Variants in RNF123 observed in about 807,000 individuals in gnomAD.
RNF123 encodes the protein E3 ubiquitin-protein ligase RNF123.
Under a neutral mutation model 168.5 loss-of-function variants are expected in RNF123, and 86 were observed. The observed-to-expected ratio is 0.51, with a 90% confidence interval of 0.43 to 0.61. The LOEUF is 0.61. Ranked by LOEUF, RNF123 falls within the 20% of genes least tolerant of loss-of-function variation. The probability of loss-of-function intolerance (pLI) is 0.00; values close to 1 mark genes in which losing one functional copy is unlikely to be tolerated. For synonymous variants in RNF123, 666 were observed against 689.1 expected, an observed-to-expected ratio of 0.97 and a Z score of 0.52; for missense variants, 1,419 against 1,729.7, an observed-to-expected ratio of 0.82 and a Z score of 3.19.
intron 3 of RNF123, among the ~76,000 whole-genome samples, chr3:49,692,364 G>A (rs185394915): frequency 5.3e-5 from 8 of 152,302 alleles, no homozygotes; most frequent in Non-Finnish European, 8.8e-5. Context: ...TTGTGGGTAT[G>A]TAGTAGGTAT....
At chr3:49,706,482 G>A (rs2108190728) in intron 25 of RNF123, among the ~76,000 whole-genome samples, 1 of 152,252 alleles carries the variant, frequency 6.6e-6, no homozygotes, top group South Asian at 2.1e-4. Flanking sequence ...CGACCTGTCA[G>A]CAGATCCCTG....
chr3:49,699,852 A>C lies in RNF123; in HGVS notation c.984+80A>C, dbSNP rs1245214115. The C allele has an allele frequency of 2.1e-6, 3 of 1,414,472 alleles. No individual in the cohort carries two copies. The Admixed American group carries it at 5.2e-5, about 25-fold the overall frequency. The allele number at this position is 1,414,472 out of a possible 1,614,324, so 87.6% of individuals were successfully genotyped here. A position where few individuals can be genotyped will look rare whatever the true frequency, so the allele number is the denominator to read the frequency against. ...GCCCGTGGTAGATGTGCCCTCACTGAGGGCTGCAGTGCTGAGGTCCCACAG... is the reference window on the plus strand; with the variant it reads ...GCCCGTGGTAGATGTGCCCTCACTGCGGGCTGCAGTGCTGAGGTCCCACAG... On this transcript the variant is annotated intron_variant, in intron 12 of 38. Transcript: ENST00000327697. The surrounding 1 kb of genome is among the most constrained non-coding windows in gnomAD (Gnocchi z 4.8).
chr3:49,711,732 C>A (rs1218500485), intron 26 of RNF123, among the ~76,000 whole-genome samples: 4 of 152,102 alleles, frequency 2.6e-5, no homozygotes, highest in African/African-American at 9.7e-5. Context: ...CTTTGTGAGA[C>A]CCTGACATAG....
rs773145838 is a variant in RNF123 at position 49,700,700 on chromosome 3, G to C, written c.1268G>C (p.Ser423Thr). ...RHEKSRKFLL[S>T]NVLFDVLRSV... ...GAGAAGTCCCGCAAGTTTCTGCTTAGCAATGTCCTGTATCCTTTCCTTGCT... is the reference window on the plus strand; with the variant it reads ...GAGAAGTCCCGCAAGTTTCTGCTTACCAATGTCCTGTATCCTTTCCTTGCT... The change falls in exon 15 of 39, where the codon AGC becomes ACC. Residue 423 changes from serine to threonine, a missense_variant. Coordinates refer to ENST00000327697, the MANE Select transcript of RNF123 (RefSeq NM_022064.5). 1 of 1,614,192 alleles carries C rather than the reference G, an allele frequency of 6.2e-7. No individual in the cohort carries two copies. Among genetic ancestry groups the C allele is most frequent in the Non-Finnish European group, 8.5e-7 (1 of 1,180,042 alleles).
intron 4 of RNF123, 38 bp downstream of exon 4, chr3:49,697,260 G>C (rs762917105): frequency 1.2e-6 from 2 of 1,605,564 alleles, no homozygotes; most frequent in Non-Finnish European, 1.7e-6. Flanking sequence ...GGGAGGTGCA[G>C]AGCTGGGACG....
At chr3:49,720,373 T>G (rs2080373073) in intron 35 of RNF123, 138 bp from the exon 36 acceptor site, 9 of 821,962 alleles carry the variant, frequency 1.1e-5, no homozygotes, top group African/African-American at 3.5e-5. Context: ...GGACTTGGGG[T>G]TTGGGAAGCA....
intron 12 of RNF123, 148 bp from the exon 13 acceptor site, chr3:49,700,079 G>A (rs1309841677): frequency 1.7e-6 from 2 of 1,163,468 alleles, no homozygotes; most frequent in East Asian, 5.1e-5. Context: ...CCCTCAGTCA[G>A]ACCCCGGAAG....
chr3:49,698,590 C>G, intron 8 of RNF123, 64 bp downstream of exon 8: 1 of 1,585,424 alleles, frequency 6.3e-7, no homozygotes. Context: ...TTTGGAGCCA[C>G]TGGGCAGCCA....
rs192049545 is a variant in RNF123, at chr3:49,721,387, C to T, written c.*82C>T. 524 of 1,571,318 alleles carry T rather than the reference C, an allele frequency of 3.3e-4. 3 individuals carry two copies. In the African/African-American group the frequency reaches 6.3e-3, roughly 19 times the overall value. ...GCCCTATTTATGAGCTCCCTTTGCC[C>T]TTCTCCTGTATCCCACACCACCACA... On this transcript the variant is annotated 3_prime_UTR_variant, in exon 39 of 39. Coordinates refer to ENST00000327697, the MANE Select transcript of RNF123 (RefSeq NM_022064.5).
rs186365107 is a variant in RNF123 at position 49,707,674 on chromosome 3, C to T, written c.2496+776C>T. Among the ~76,000 whole-genome samples the T allele has an allele frequency of 6.7e-3, 1,016 of 152,180 alleles. 33 individuals are homozygous for T. The highest frequency in any genetic ancestry group is 0.06 in the Admixed American group (920 of 15,274). ...ACTGGGTGATCGAGGCCTTTGGTAT[C>T]CCCATTTCTATCATCTCTGCTTGCT... On this transcript the variant is annotated intron_variant, in intron 26 of 38. Coordinates refer to ENST00000327697, the MANE Select transcript of RNF123 (RefSeq NM_022064.5).
At chr3:49,696,829 T>C (rs555715851) in intron 3 of RNF123, among the ~76,000 whole-genome samples, 341 of 149,672 alleles carry the variant, frequency 2.3e-3, no homozygotes, top group Non-Finnish European at 3.9e-3. Context: ...GTATTTTTAG[T>C]AGGGATGGGG....
intron 35 of RNF123, chr3:49,717,206 C>A (rs1308095946): frequency 1.3e-5 from 2 of 153,330 alleles, no homozygotes; most frequent in African/African-American, 2.4e-5. Context: ...GCCTTCAGAA[C>A]AACGGGTGGA....
At chr3:49,705,499 C>T (rs1011739799) in intron 23 of RNF123, 35 bp from the exon 24 acceptor site, 2 of 1,555,044 alleles carry the variant, frequency 1.3e-6, no homozygotes, top group African/African-American at 1.4e-5. Context: ...GCCGGGATGG[C>T]CCTACCCTTG....
intron 24 of RNF123, 68 bp from the exon 25 acceptor site, chr3:49,705,914 C>T (rs1221507124): frequency 6.4e-6 from 10 of 1,555,750 alleles, no homozygotes; most frequent in South Asian, 1.1e-5. Context: ...GGGGTCCAGA[C>T]TGGGTCTGAA....
At chr3:49,691,942 A>G (rs996503978) in intron 3 of RNF123, among the ~76,000 whole-genome samples, 6 of 152,248 alleles carry the variant, frequency 3.9e-5, no homozygotes, top group Admixed American at 6.5e-5. Context: ...TTACAAGTAC[A>G]TTTTAGCAGA....
In RNF123 at chr3:49,706,007, A is replaced by G. The variant is rs571655838; in HGVS notation, c.2330A>G (p.Asn777Ser). ...ATGGTGGGTGTCTCCGATGATGTCA[A>G]TGAATACGCTATGGCTCTGAGGGAC... is the stretch of plus-strand genomic sequence containing the variant. ...GKMVGVSDDV[N>S]EYAMALRDTE... The change falls in exon 25 of 39, where the codon AAT (asparagine) becomes AGT (serine). Residue 777 changes from asparagine to serine, a missense_variant. Physicochemically the swap from Asn to Ser is conservative, Grantham distance 46. Transcript: ENST00000327697. 54 of 1,614,128 alleles carry G rather than the reference A, an allele frequency of 3.3e-5. No homozygotes were observed. The highest frequency in any genetic ancestry group is 2.0e-4 in the African/African-American group (15 of 75,068).
At position 49,689,580 on chromosome 3, in the gene RNF123, G is replaced by C. The variant is rs2329014; in HGVS notation, c.-63G>C. ...CCAAGAGGTTGGGCGGATGTTGTGA[G>C]CCGGGTCGCTGCGGCCGAGGCTCCG... is the stretch of plus-strand genomic sequence containing the variant. On this transcript the variant is annotated 5_prime_UTR_variant, in exon 1 of 39. Coordinates refer to ENST00000327697, the MANE Select transcript of RNF123 (RefSeq NM_022064.5). 4.6e-5 allele frequency: 7 copies of C among 152,506 alleles called. No homozygotes were observed. The highest frequency in any genetic ancestry group is 4.6e-4 in the Admixed American group (7 of 15,298). The allele number at this position is 152,506 out of a possible 1,614,324, so 9.4% of individuals were successfully genotyped here.
chr3:49,702,363 C>A lies in RNF123; in HGVS notation c.1587C>A (p.Thr529=), dbSNP rs192270390. ...GGEASRYIFL[T]KFRKFLQENA... is the part of the protein sequence containing the mutation. ...AAGCTTCTAGGTATATCTTCCTGAC[C>A]AAGTTTCGCAAGTTTCTGCAGGAGA... The change falls in exon 19 of 39, where the codon ACC becomes ACA. Residue 529 remains threonine (T), a synonymous_variant. Transcript: ENST00000327697. 7 of 1,614,050 alleles carry A rather than the reference C, an allele frequency of 4.3e-6. No individual in the cohort carries two copies. Among genetic ancestry groups the A allele is most frequent in the Non-Finnish European group, 5.9e-6 (7 of 1,180,024 alleles).
chr3:49,696,694 A>C (rs1183395564), intron 3 of RNF123, among the ~76,000 whole-genome samples: 1 of 139,074 alleles, frequency 7.2e-6, no homozygotes, highest in Admixed American at 7.7e-5. Context: ...GCCCGGGCTG[A>C]AGTACAATGA....
Sources: gnomAD v4.1 joint callset for allele counts (sites outside exome capture counted in the v4.1 genomes callset) on GRCh38, gnomAD v4.1.1 for gene constraint, Gnocchi (gnomAD v3.1) non-coding constraint, MANE v1.5 for transcripts, NCBI Gene and HGNC (gene_info 2026-07-23, HGNC 2026-07-21) for gene names.